The following AP3S2 variants were observed in gnomAD, a reference collection of about 807,000 sequenced individuals.
The protein encoded by AP3S2 is adaptor related protein complex 3 subunit sigma 2.
Under a neutral mutation model 23.4 loss-of-function variants are expected in AP3S2, and 22 were observed. The observed-to-expected ratio is 0.94, with a 90% CI of 0.67 to 1.34. The LOEUF (loss-of-function observed/expected upper bound fraction) is 1.34. Ranked by LOEUF, AP3S2 falls within the 40% of genes most tolerant of loss-of-function variation. AP3S2 has a pLI of 0.00. For synonymous variants in AP3S2, 86 were observed against 87.1 expected, an observed-to-expected ratio of 0.99 and a Z score of 0.07; for missense variants, 241 against 236.9, an observed-to-expected ratio of 1.02 and a Z score of -0.11.
chr15:89,855,963 A>G (rs890938276), intron 4 of AP3S2, among the ~76,000 whole-genome samples: 4 of 151,040 alleles, frequency 2.6e-5, no homozygotes, highest in African/African-American at 9.7e-5. Flanking sequence ...AAAAAAAAAA[A>G]AAAAAGAATC....
At chr15:89,892,756 C>T (rs527247904) in intron 1 of AP3S2, among the ~76,000 whole-genome samples, 1 of 152,324 alleles carries the variant, frequency 6.6e-6, no homozygotes, top group African/African-American at 2.4e-5. Flanking sequence ...CTCCGCCTCC[C>T]GGGCTCACGC....
chr15:89,882,366 C>CTT (rs781506231), intron 3 of AP3S2, among the ~76,000 whole-genome samples: 34 of 142,676 alleles, frequency 2.4e-4, no homozygotes, highest in East Asian at 1.9e-3. Context: ...TTGACCTACT[C>CTT]TTTTTTTTTT....
Position 89,835,316 on chromosome 15 carries a change from G to C in AP3S2, c.*199C>G. The C allele has an allele frequency of 2.3e-6, 2 of 865,400 alleles. No homozygotes were observed. Among genetic ancestry groups the C allele is most frequent in the Non-Finnish European group, 3.4e-6 (2 of 580,954 alleles). The allele number at this position is 865,400 out of a possible 1,614,324, so 53.6% of individuals were successfully genotyped here. ...ATCAGAGAACGGCATGACTGCACAT[G>C]TGAGAACTGGGTGCACCCGAGCAGT... On this transcript the variant is annotated 3_prime_UTR_variant, in exon 6 of 6. Coordinates refer to ENST00000336418, the MANE Select transcript of AP3S2 (RefSeq NM_005829.5).
chr15:89,840,458 C>T (rs1290348695), intron 4 of AP3S2, among the ~76,000 whole-genome samples: 3 of 152,096 alleles, frequency 2.0e-5, no homozygotes, highest in Admixed American at 2.0e-4. Context: ...GGCTGAGTCT[C>T]ACTCTGTCAC....
intron 4 of AP3S2, among the ~76,000 whole-genome samples, chr15:89,843,171 A>G (rs1160326151): frequency 6.6e-6 from 1 of 151,216 alleles, no homozygotes; most frequent in Non-Finnish European, 1.5e-5. Context: ...TTTCGTAGAG[A>G]TGGGGTTTCT....
chr15:89,859,341 CTTCCTTCCTTCTTTCCTTCCT>C (rs1181014651), intron 4 of AP3S2, among the ~76,000 whole-genome samples: 1 of 129,416 alleles, frequency 7.7e-6, no homozygotes, highest in African/African-American at 2.9e-5. Context: ...CCTTCCTTTC[CTTCCTTCCTTCTTTCCTTCCT>C]TTCCTTCCTT....
chr15:89,881,059 T>G (rs80110189), intron 3 of AP3S2, among the ~76,000 whole-genome samples: 150 of 152,264 alleles, frequency 9.9e-4, no homozygotes, highest in African/African-American at 3.4e-3. Flanking sequence ...GAGACATAAA[T>G]GGTAAAAGTC....
intron 3 of AP3S2, chr15:89,877,277 A>G: frequency 7.7e-7 from 1 of 1,300,222 alleles, no homozygotes; most frequent in Non-Finnish European, 1.0e-6. Context: ...TCAACGTGAG[A>G]AATGGATGCA....
intron 4 of AP3S2, among the ~76,000 whole-genome samples, chr15:89,841,081 C>T (rs990105135): frequency 3.3e-5 from 5 of 152,090 alleles, no homozygotes; most frequent in African/African-American, 9.7e-5. Context: ...TTAGGGACTT[C>T]GAAGATAGAC....
intron 3 of AP3S2, among the ~76,000 whole-genome samples, chr15:89,882,610 C>T (rs1374807683): frequency 2.6e-5 from 4 of 152,144 alleles, no homozygotes; most frequent in Non-Finnish European, 4.4e-5. Flanking sequence ...CTGCCCGCCT[C>T]GGCCTCCCAA....
intron 4 of AP3S2, among the ~76,000 whole-genome samples, chr15:89,860,932 C>T (rs910068327): frequency 6.6e-6 from 1 of 152,170 alleles, no homozygotes. Context: ...CCTTATTCTT[C>T]CAGACCAAAT....
chr15:89,877,558 C>A, intron 3 of AP3S2: 1 of 518,636 alleles, frequency 1.9e-6, no homozygotes, highest in Non-Finnish European at 3.3e-6. Context: ...TTTTATAAAC[C>A]TGAAACATGG....
intron 3 of AP3S2, among the ~76,000 whole-genome samples, chr15:89,873,447 G>A (rs1024471295): frequency 4.6e-5 from 7 of 152,008 alleles, no homozygotes. Context: ...ACCACGCCTG[G>A]CTAATTTTTG....
chr15:89,877,319 GA>G (rs1467448888), intron 3 of AP3S2: 1 of 1,321,284 alleles, frequency 7.6e-7, no homozygotes, highest in East Asian at 4.8e-5. Flanking sequence ...TAAGGTTTGG[GA>G]ACTTATAGCC....
At chr15:89,850,576 G>C (rs4932252) in intron 4 of AP3S2, 33,063 of 152,830 alleles carry the variant, frequency 0.22, 4,330 homozygotes, top group South Asian at 0.32. Context: ...GGGCATATTC[G>C]TACTGTATTT....
chr15:89,873,431 T>A (rs1366468004), intron 3 of AP3S2, among the ~76,000 whole-genome samples: 1 of 151,962 alleles, frequency 6.6e-6, no homozygotes, highest in Non-Finnish European at 1.5e-5. Flanking sequence ...ATTACAGGCA[T>A]GCACCACCAC....
intron 5 of AP3S2, among the ~76,000 whole-genome samples, chr15:89,836,827 G>A (rs908946002): frequency 2.6e-5 from 4 of 152,166 alleles, no homozygotes; most frequent in Non-Finnish European, 5.9e-5. Flanking sequence ...GCTGTGGTCT[G>A]GAAAAGCTTC....
Position 89,834,302 on chromosome 15 carries a change from TTCTGC to T in AP3S2, c.*1208_*1212del, listed in dbSNP as rs1555444608. ...ATCATTCACAACACAGCAACAAACC[TTCTGC>T]TCTCATGAGGAGAATGTATTTTAAA... On this transcript the variant is annotated 3_prime_UTR_variant, in exon 6 of 6. Coordinates refer to ENST00000336418, the MANE Select transcript of AP3S2 (RefSeq NM_005829.5). 1 of 152,232 alleles carries T rather than the reference TTCTGC, an allele frequency of 6.6e-6. No homozygotes were observed. Among genetic ancestry groups the T allele is most frequent in the Non-Finnish European group, 1.5e-5 (1 of 68,034 alleles). The allele number at this position is 152,232 out of a possible 1,614,324, so 9.4% of individuals were successfully genotyped here.
chr15:89,877,432 A>G, intron 3 of AP3S2: 1 of 1,274,774 alleles, frequency 7.8e-7, no homozygotes, highest in Non-Finnish European at 1.0e-6. Context: ...AAGCTGTGGT[A>G]AAATACACGT....
Sources: allele counts gnomAD v4.1 joint callset (sites outside exome capture counted in the v4.1 genomes callset), GRCh38; gene constraint gnomAD v4.1.1; transcripts MANE v1.5; gene names NCBI Gene and HGNC (gene_info 2026-07-23, HGNC 2026-07-21).